UBAP1L: variants seen among roughly 807,000 people sequenced by gnomAD.
UBAP1L encodes ubiquitin-associated protein 1-like.
UBAP1L carries 32 observed loss-of-function variants against 32.1 expected under a neutral mutation model. That is an observed-to-expected ratio of 1.00 (90% CI 0.75 to 1.34). The LOEUF (loss-of-function observed/expected upper bound fraction) is 1.34, where lower values mean the gene tolerates loss of function less well. Ranked by LOEUF, UBAP1L falls within the 40% of genes most tolerant of loss-of-function variation. UBAP1L has a pLI of 0.00. For synonymous variants in UBAP1L, 243 were observed against 250.2 expected, an observed-to-expected ratio of 0.97 and a Z score of 0.27; for missense variants, 516 against 540.5, an observed-to-expected ratio of 0.95 and a Z score of 0.45.
rs1053883106 is a variant in UBAP1L at position 65,093,017 on chromosome 15, G to T, written c.*80C>A. The T allele has an allele frequency of 6.1e-6, 9 of 1,476,036 alleles. No individual in the cohort carries two copies. In the South Asian group the frequency reaches 1.2e-4, roughly 19 times the overall value. 91.4% of individuals were successfully genotyped at this position (1,476,036 alleles called of 1,614,324 possible). A position where few individuals can be genotyped will look rare whatever the true frequency, so the allele number is the denominator to read the frequency against. On this transcript the variant is annotated 3_prime_UTR_variant, in exon 6 of 6. Coordinates refer to ENST00000559089, the MANE Select transcript of UBAP1L (RefSeq NM_001163692.2). ...TGCATCACTTTGTTACTCTTACTTG[G>T]TTTTAATAATACAGTTAGGATGGGT...
rs1395285351 is a variant in UBAP1L at position 65,106,125 on chromosome 15, C to T, written c.91G>A (p.Ala31Thr). 6.4e-7 allele frequency: 1 copy of T among 1,550,884 alleles called. No homozygotes were observed. The highest frequency in any genetic ancestry group is 1.4e-5 in the African/African-American group (1 of 73,002). ...GAACCCAGCAGAACTTCCCCGCAGG[C>T]CGGGACGCTGAGTTCTGGCCCAGGG... ...PLPGPELSVPACGEVLLGSMH... is the reference protein window; with the variant it reads ...PLPGPELSVPTCGEVLLGSMH... The change falls in exon 2 of 6, where the codon GCC (alanine) becomes ACC (threonine). Residue 31 changes from alanine to threonine, a missense_variant. Physicochemically the swap from Ala to Thr is moderately conservative, Grantham distance 58. Transcript: ENST00000559089.
intron 2 of UBAP1L, chr15:65,105,653 T>C: frequency 7.4e-6 from 5 of 674,420 alleles, no homozygotes; most frequent in South Asian, 4.1e-5. Context: ...AGGGTATGCA[T>C]ATATGAAAAG....
At chr15:65,111,948 G>T (rs950525647) in intron 1 of UBAP1L, among the ~76,000 whole-genome samples, 1 of 152,120 alleles carries the variant, frequency 6.6e-6, no homozygotes, top group African/African-American at 2.4e-5. Context: ...CTGCCACCAC[G>T]CCTGGCCCTA....
chr15:65,109,029 C>T (rs1379169014), intron 1 of UBAP1L, among the ~76,000 whole-genome samples: 1 of 151,252 alleles, frequency 6.6e-6, no homozygotes, highest in Non-Finnish European at 1.5e-5. Context: ...TGGTGGCACA[C>T]ATCTGTAATC....
rs1430011015 is a variant in UBAP1L, at chr15:65,102,367, G to C, written c.438C>G (p.Asp146Glu). ...PGPGRRLCSL[D>E]VLRGVRLELA... ...GCTCCAACCGCACGCCGCGTAGCAC[G>C]TCCAGCGAGCACAGGCGACGGCCGG... Residue 146 changes from aspartate to glutamate, a missense_variant, in exon 3 of 6, where the codon GAC becomes GAG. Physicochemically the swap from Asp to Glu is conservative, Grantham distance 45. Transcript: ENST00000559089. This position sits in a 1 kb window ranked among gnomAD's most constrained non-coding sequence, Gnocchi z 5.0. 6.8e-7 allele frequency: 1 copy of C among 1,475,990 alleles called. No individual in the cohort carries two copies. The highest frequency in any genetic ancestry group is 8.9e-7 in the Non-Finnish European group (1 of 1,122,094). The allele number at this position is 1,475,990 out of a possible 1,614,324, so 91.4% of individuals were successfully genotyped here.
intron 2 of UBAP1L, among the ~76,000 whole-genome samples, chr15:65,103,643 G>A (rs766298939): frequency 2.2e-4 from 33 of 152,330 alleles, no homozygotes; most frequent in African/African-American, 4.8e-4. Context: ...ACCTTGGGGA[G>A]AGGAGCATAA....
At chr15:65,101,045 T>A (rs2087233970) in intron 3 of UBAP1L, 1 of 152,222 alleles carries the variant, frequency 6.6e-6, no homozygotes, top group Non-Finnish European at 1.5e-5. Context: ...TAAACAACCG[T>A]GTGAAGGGTT....
Position 65,102,557 on chromosome 15 carries a change from G to A in UBAP1L, c.248C>T (p.Pro83Leu). The change falls in exon 3 of 6, where the codon CCC (proline) becomes CTC (leucine). Residue 83 changes from proline to leucine, a missense_variant. Transcript: ENST00000559089. The surrounding 1 kb of genome is among the most constrained non-coding windows in gnomAD (Gnocchi z 5.0). ...APPAWLLLVS[P>L]EHGLAPAPTT... ...GGGCGCAGGCGCCAGCCCATGTTCG[G>A]GGCTGACTAGCAAGAGCCAGGCTGG... is the stretch of plus-strand genomic sequence containing the variant. 1 of 1,538,628 alleles carries A rather than the reference G, an allele frequency of 6.5e-7. No homozygotes were observed. Among genetic ancestry groups the A allele is most frequent in the Non-Finnish European group, 8.8e-7 (1 of 1,141,850 alleles).
rs981625894 is a variant in UBAP1L, at chr15:65,094,838, G to A, written c.910-262C>T. 6.3e-5 allele frequency: 33 copies of A among 524,492 alleles called. 1 individual carries two copies. Among genetic ancestry groups the A allele is most frequent in the Middle Eastern group, 5.2e-4 (1 of 1,922 alleles). 32.5% of individuals were successfully genotyped at this position (524,492 alleles called of 1,614,324 possible). On this transcript the variant is annotated intron_variant, in intron 4 of 5. Transcript: ENST00000559089. This position sits in a 1 kb window ranked among gnomAD's most constrained non-coding sequence, Gnocchi z 4.2. ...ACTCCAGGAAAAGGGCTGTCAGGGT[G>A]GGCTAGGGTGTTCATAGAACCTAGG...
chr15:65,104,772 C>A, intron 2 of UBAP1L: 1 of 171,400 alleles, frequency 5.8e-6, no homozygotes, highest in Non-Finnish European at 1.3e-5. Context: ...TTTTGGGAGG[C>A]TGAGGCGGGT....
Position 65,106,353 on chromosome 15 carries a change from CA to C in UBAP1L, c.-139del, listed in dbSNP as rs1345563152. 9.5e-7 allele frequency: 1 copy of C among 1,051,128 alleles called. No individual in the cohort carries two copies. The highest frequency in any genetic ancestry group is 1.3e-6 in the Non-Finnish European group (1 of 768,802). The allele number at this position is 1,051,128 out of a possible 1,614,324, so 65.1% of individuals were successfully genotyped here. The stretch of plus-strand genomic sequence containing the variant: ...CCTGTGTGGTCACTTAGCTGAGCCC[CA>C]AACAGCTGGAAAGGAAAAGGTGAGG... On this transcript the variant is annotated 5_prime_UTR_variant, in exon 2 of 6. Coordinates refer to ENST00000559089, the MANE Select transcript of UBAP1L (RefSeq NM_001163692.2).
At position 65,093,184 on chromosome 15, in the gene UBAP1L, G is replaced by A. The variant is rs1398385313; in HGVS notation, c.1059C>T (p.Phe353=). The A allele has an allele frequency of 6.5e-7, 1 of 1,550,026 alleles. No homozygotes were observed. The highest frequency in any genetic ancestry group is 8.7e-7 in the Non-Finnish European group (1 of 1,146,724). The change falls in exon 6 of 6, where the codon TTC becomes TTT. Residue 353 remains phenylalanine, a synonymous_variant. Coordinates refer to ENST00000559089, the MANE Select transcript of UBAP1L (RefSeq NM_001163692.2). ...GCACCTCCTTGATCCGGTCCTGCTG[G>A]AAGCCCATGTCACTGAACTGCTCCC... ...RLWEQFSDMG[F]QQDRIKEVLL...
At chr15:65,104,620 G>A (rs2087284368) in intron 2 of UBAP1L, among the ~76,000 whole-genome samples, 2 of 152,258 alleles carry the variant, frequency 1.3e-5, no homozygotes, top group East Asian at 3.9e-4. Flanking sequence ...TGGCTCATCT[G>A]TAATGCCAGC....
chr15:65,112,437 T>G (rs1033451958), intron 1 of UBAP1L, among the ~76,000 whole-genome samples: 4 of 152,098 alleles, frequency 2.6e-5, no homozygotes, highest in African/African-American at 9.7e-5. Context: ...CTGTGCATGC[T>G]TGGACAAACT....
intron 5 of UBAP1L, among the ~76,000 whole-genome samples, chr15:65,093,512 G>T (rs2087141044): frequency 6.6e-6 from 1 of 152,190 alleles, no homozygotes; most frequent in Non-Finnish European, 1.5e-5. Context: ...TCAACTTTCT[G>T]CTGGGGCAGG....
intron 5 of UBAP1L, 128 bp from the exon 6 acceptor site, chr15:65,093,359 G>T: frequency 8.2e-7 from 1 of 1,215,380 alleles, no homozygotes; most frequent in Non-Finnish European, 1.1e-6. Flanking sequence ...GGCCACGTGA[G>T]CCTGATCCTG....
rs972027429 is a variant in UBAP1L, at chr15:65,094,539, C to T, written c.947G>A (p.Arg316His). ...SYLSACDRLL[R>H]QGYEEGLVDE... ...CACCAGGCCTTCCTCATATCCCTGA[C>T]GTAACAGGCGGTCACAGGCACTGAG... Residue 316 changes from arginine (R) to histidine (H), a missense_variant, in exon 5 of 6, where the codon CGT becomes CAT. Transcript: ENST00000559089. The surrounding 1 kb of genome is among the most constrained non-coding windows in gnomAD (Gnocchi z 4.2). 9.6e-5 allele frequency: 149 copies of T among 1,551,384 alleles called. No individual in the cohort carries two copies. The highest frequency in any genetic ancestry group is 2.0e-4 in the Admixed American group (10 of 50,972).
At chr15:65,100,837 T>C (rs867711083) in intron 3 of UBAP1L, 2 of 152,416 alleles carry the variant, frequency 1.3e-5, no homozygotes, top group Middle Eastern at 6.8e-3. Flanking sequence ...GAGTCTACTC[T>C]TGTGTCCTTG....
Position 65,113,631 on chromosome 15 carries a change from A to C in UBAP1L, c.-174+1519T>G, listed in dbSNP as rs141713414. Among the ~76,000 whole-genome samples the C allele has an allele frequency of 5.7e-3, 872 of 152,230 alleles. 5 individuals are homozygous for C. Among genetic ancestry groups the C allele is most frequent in the Middle Eastern group, 0.014 (4 of 294 alleles). ...GGTGTAGTGGCACACGCCTGTACTCACAGCTACTCAGGAGACTGAGACGAG... is the reference window on the plus strand; with the variant it reads ...GGTGTAGTGGCACACGCCTGTACTCCCAGCTACTCAGGAGACTGAGACGAG... On this transcript the variant is annotated intron_variant, in intron 1 of 5. Coordinates refer to ENST00000559089, the MANE Select transcript of UBAP1L (RefSeq NM_001163692.2).
Sources: allele counts gnomAD v4.1 joint callset (sites outside exome capture counted in the v4.1 genomes callset), GRCh38; gene constraint gnomAD v4.1.1; non-coding constraint Gnocchi (gnomAD v3.1); transcripts MANE v1.5; gene names NCBI Gene and HGNC (gene_info 2026-07-23, HGNC 2026-07-21).